The following RYR2 variants were observed in gnomAD, a reference collection of about 807,000 sequenced individuals.
RYR2 encodes cardiac muscle ryanodine receptor-calcium release channel.
In RYR2, 227 loss-of-function variants were observed where a neutral mutation model predicts 601.1. The observed-to-expected ratio is 0.38, with a 90% confidence interval of 0.34 to 0.42. The LOEUF is 0.42. Among genes scored for constraint, RYR2 ranks in the 10% least tolerant of loss-of-function variants. The pLI, the probability that RYR2 is intolerant of heterozygous loss-of-function variation, is 1.00. For synonymous variants in RYR2, 2,223 were observed against 2,175.1 expected (o/e 1.02, Z -0.61); for missense variants, 4,646 against 6,156.5 (o/e 0.75, Z 8.21).
chr1:237,419,795 T>C (rs1705376189), intron 11 of RYR2, among the ~76,000 whole-genome samples: 1 of 152,228 alleles, frequency 6.6e-6, no homozygotes, highest in Admixed American at 6.5e-5. Context: ...ACTTTGGCTT[T>C]ATTGTAGATA....
chr1:237,577,236 T>C (rs1045818293), intron 29 of RYR2, among the ~76,000 whole-genome samples: 1 of 152,168 alleles, frequency 6.6e-6, no homozygotes, highest in African/African-American at 2.4e-5. Flanking sequence ...AACTGGAAAC[T>C]ACGGTAATAA....
rs730880196 is a variant in RYR2 at position 237,784,037 on chromosome 1, A to C, written c.12325A>C (p.Met4109Leu). The part of the protein sequence containing the change: ...AVLLTNLSEH[M>L]PNDTRLQTFL... ...CCTTCTGACAAACCTCTCTGAGCAC[A>C]TGCCCAACGATACCCGACTTCAGAC... Residue 4109 changes from methionine to leucine, a missense_variant, in exon 90 of 105, where the codon ATG becomes CTG. Met to Leu is a conservative substitution (Grantham distance 15). Transcript: ENST00000366574. This position sits in a 1 kb window ranked among gnomAD's most constrained non-coding sequence, Gnocchi z 7.1. The C allele has an allele frequency of 6.2e-7, 1 of 1,614,014 alleles. No individual in the cohort carries two copies. Among genetic ancestry groups the C allele is most frequent in the African/African-American group, 1.3e-5 (1 of 75,058 alleles).
chr1:237,385,124 C>T (rs778255245), intron 8 of RYR2, among the ~76,000 whole-genome samples: 5 of 152,042 alleles, frequency 3.3e-5, no homozygotes, highest in Non-Finnish European at 5.9e-5. Flanking sequence ...CTCCTGACCT[C>T]GTGATCCACC....
intron 79 of RYR2, among the ~76,000 whole-genome samples, chr1:237,737,859 A>G (rs191206545): frequency 1.3e-5 from 2 of 152,366 alleles, no homozygotes; most frequent in African/African-American, 4.8e-5. Context: ...TCAAGATGTT[A>G]CTGTGATTGC....
intron 31 of RYR2, 121 bp downstream of exon 31, chr1:237,591,113 CTT>C: frequency 7.2e-6 from 1 of 139,134 alleles, no homozygotes; most frequent in Non-Finnish European, 1.4e-5. Flanking sequence ...TCCTCCTCCT[CTT>C]CCCCCTTCTC....
At chr1:237,707,916 C>T (rs558156937) in intron 68 of RYR2, among the ~76,000 whole-genome samples, 2 of 149,230 alleles carry the variant, frequency 1.3e-5, no homozygotes, top group East Asian at 4.0e-4. Context: ...GGATTACAGG[C>T]ATCTGCCACC....
At chr1:237,342,313 A>ATTTT (rs201847873) in intron 3 of RYR2, among the ~76,000 whole-genome samples, 3 of 130,238 alleles carry the variant, frequency 2.3e-5, no homozygotes, top group African/African-American at 5.8e-5. Flanking sequence ...TGGCTAATTA[A>ATTTT]TTTTTTTTTT....
intron 4 of RYR2, among the ~76,000 whole-genome samples, chr1:237,358,599 A>G (rs1311055567): frequency 6.6e-6 from 1 of 151,978 alleles, no homozygotes; most frequent in Non-Finnish European, 1.5e-5. Context: ...CTAGCTGGTC[A>G]GTGGCAATTC....
chr1:237,309,436 T>C (rs113984232), intron 2 of RYR2, among the ~76,000 whole-genome samples: 415 of 138,664 alleles, frequency 3.0e-3, no homozygotes, highest in African/African-American at 0.011. Flanking sequence ...ATTAGCTAGA[T>C]ACGGAGCACT....
intron 96 of RYR2, among the ~76,000 whole-genome samples, chr1:237,795,850 GTATA>G (rs1274549066): frequency 2.5e-3 from 155 of 61,666 alleles, no homozygotes; most frequent in East Asian, 0.015. Context: ...ATATATATAT[GTATA>G]TGTATATATA....
intron 24 of RYR2, among the ~76,000 whole-genome samples, chr1:237,517,352 A>G (rs1293658757): frequency 1.3e-5 from 2 of 152,140 alleles, no homozygotes; most frequent in African/African-American, 4.8e-5. Flanking sequence ...ACAATTTGTA[A>G]TATCACTTTC....
rs746256286 is a variant in RYR2 at position 237,830,544 on chromosome 1, C to T, written c.14670C>T (p.Ile4890=). Reference sequence around the variant, plus strand: ...TTGTTTTCTAGACCAAATGCTTCATCTGTGGGATAGGCAATGATTACTTCG... The same window carrying T: ...TTGTTTTCTAGACCAAATGCTTCATTTGTGGGATAGGCAATGATTACTTCG... ...VKEDMETKCF[I]CGIGNDYFDT... The change falls in exon 103 of 105, where the codon ATC becomes ATT. Residue 4890 remains isoleucine, a synonymous_variant. Coordinates refer to ENST00000366574, the MANE Select transcript of RYR2 (RefSeq NM_001035.3). 1 of 1,603,494 alleles carries T rather than the reference C, an allele frequency of 6.2e-7. No individual in the cohort carries two copies. Among genetic ancestry groups the T allele is most frequent in the Non-Finnish European group, 8.5e-7 (1 of 1,170,396 alleles).
At chr1:237,226,876 C>T (rs2149167924) in intron 1 of RYR2, among the ~76,000 whole-genome samples, 1 of 152,290 alleles carries the variant, frequency 6.6e-6, no homozygotes, top group South Asian at 2.1e-4. Context: ...TCAAGCGATT[C>T]TCCAGCCTTA....
intron 4 of RYR2, among the ~76,000 whole-genome samples, chr1:237,357,031 C>T (rs1699355063): frequency 1.3e-5 from 2 of 151,030 alleles, no homozygotes; most frequent in African/African-American, 4.9e-5. Flanking sequence ...TGTTTTCCAA[C>T]AATTTCATGT....
intron 79 of RYR2, among the ~76,000 whole-genome samples, chr1:237,739,383 CTT>C (rs1357843182): frequency 1.3e-5 from 2 of 152,134 alleles, no homozygotes; most frequent in Non-Finnish European, 2.9e-5. Context: ...TGCTCGATTC[CTT>C]AGAATGTCTC....
At chr1:237,074,188 C>T (rs371355160) in intron 1 of RYR2, among the ~76,000 whole-genome samples, 20 of 151,774 alleles carry the variant, frequency 1.3e-4, no homozygotes, top group African/African-American at 4.1e-4. Flanking sequence ...TGTGGTGGAA[C>T]GTGCCTGTAT....
At position 237,761,033 on chromosome 1, in the gene RYR2, T is replaced by C; in HGVS notation, c.11476+5T>C. 6.5e-7 allele frequency: 1 copy of C among 1,544,230 alleles called. No homozygotes were observed. Among genetic ancestry groups the C allele is most frequent in the Non-Finnish European group, 8.8e-7 (1 of 1,133,362 alleles). On this transcript the variant is annotated splice_donor_5th_base_variant and intron_variant, in intron 84 of 104. Transcript: ENST00000366574. ...TGGTGACAGAGGAAGGATCAGGTAT[T>C]AATGACTTACATTAAAAGGATCACC...
At chr1:237,223,205 AT>A (rs1684008354) in intron 1 of RYR2, among the ~76,000 whole-genome samples, 1 of 152,216 alleles carries the variant, frequency 6.6e-6, no homozygotes, top group African/African-American at 2.4e-5. Context: ...AAGAACATAT[AT>A]TTATTTATCA....
intron 54 of RYR2, among the ~76,000 whole-genome samples, chr1:237,658,610 C>T (rs1034005650): frequency 6.6e-6 from 1 of 152,140 alleles, no homozygotes; most frequent in Non-Finnish European, 1.5e-5. Context: ...CCAGGCTGGT[C>T]TCCAACTGTT....
Sources: gnomAD v4.1 joint callset for allele counts (sites outside exome capture counted in the v4.1 genomes callset) on GRCh38, gnomAD v4.1.1 for gene constraint, Gnocchi (gnomAD v3.1) non-coding constraint, MANE v1.5 for transcripts, NCBI Gene and HGNC (gene_info 2026-07-23, HGNC 2026-07-21) for gene names.